Variants in ROMO1 observed in about 807,000 individuals in gnomAD.
The protein encoded by ROMO1 is PCM19.
A neutral mutation model predicts 7.4 loss-of-function variants in ROMO1; 8 were observed. The ratio of observed to expected loss-of-function variants is 1.08; its 90% confidence interval spans 0.63 to 1.95. The LOEUF is 1.95. ROMO1 is among the 30% of genes most tolerant of loss of function. The probability of loss-of-function intolerance (pLI) is 0.00; values close to 1 mark genes in which losing one functional copy is unlikely to be tolerated. For missense variants in ROMO1, 91 were observed against 115.9 expected, an observed-to-expected ratio of 0.79 and a Z score of 0.99; for synonymous variants, 43 against 41.4, an observed-to-expected ratio of 1.04 and a Z score of -0.15.
chr20:35,700,370 A>G (rs755262393), intron 2 of ROMO1, among the ~76,000 whole-genome samples: 11 of 152,296 alleles, frequency 7.2e-5, no homozygotes, highest in Non-Finnish European at 7.4e-5. Flanking sequence ...AAATCCTGTA[A>G]ATAATGTTGA....
chr20:35,699,516 C>A lies in ROMO1; in HGVS notation c.-1+60C>A, dbSNP rs971555487. 6.2e-6 allele frequency: 9 copies of A among 1,446,504 alleles called. No individual in the cohort carries two copies. Among genetic ancestry groups the A allele is most frequent in the Admixed American group, 3.7e-5 (2 of 53,776 alleles). 89.6% of individuals were successfully genotyped at this position (1,446,504 alleles called of 1,614,324 possible). A position where few individuals can be genotyped will look rare whatever the true frequency, so the allele number is the denominator to read the frequency against. On this transcript the variant is annotated intron_variant, in intron 1 of 2. Coordinates refer to ENST00000374077, the MANE Select transcript of ROMO1 (RefSeq NM_080748.3). The surrounding 1 kb of genome is among the most constrained non-coding windows in gnomAD (Gnocchi z 4.4). Reference sequence around the variant, plus strand: ...GAGGGTGGTGGAGTCGGGCTACCCACTGATTTTCCTTCCCTTACTTCCCCT... The same window carrying A: ...GAGGGTGGTGGAGTCGGGCTACCCAATGATTTTCCTTCCCTTACTTCCCCT...
chr20:35,700,036 A>G (rs1046985057), intron 2 of ROMO1, among the ~76,000 whole-genome samples: 3 of 152,236 alleles, frequency 2.0e-5, no homozygotes, highest in African/African-American at 4.8e-5. Flanking sequence ...CCTTAAGTGT[A>G]GAATGAAGAC....
At position 35,699,627 on chromosome 20, in the gene ROMO1, C is replaced by G. The variant is rs375680794; in HGVS notation, c.1-6C>G. The G allele has an allele frequency of 1.9e-6, 3 of 1,612,554 alleles. No individual in the cohort carries two copies. In the Admixed American group the frequency reaches 5.0e-5, roughly 27 times the overall value. The stretch of plus-strand genomic sequence containing the variant: ...GCCTGGGCCCACACTTTCCTATCCC[C>G]CGCAGATGCCGGTGGCCGTGGGTCC... On this transcript the variant is annotated splice_polypyrimidine_tract_variant and splice_region_variant and intron_variant, in intron 1 of 2. Coordinates refer to ENST00000374077, the MANE Select transcript of ROMO1 (RefSeq NM_080748.3). The surrounding 1 kb of genome is among the most constrained non-coding windows in gnomAD (Gnocchi z 4.4).
rs767322773 is a variant in ROMO1, at chr20:35,699,809, C to A, written c.131+46C>A. 6 of 1,566,024 alleles carry A rather than the reference C, an allele frequency of 3.8e-6. No homozygotes were observed. The Admixed American group carries it at 8.9e-5, about 23-fold the overall frequency. ...TCTCTGGGCAGGACAACCAGACCTTCCGGCCCTGCCCCATTCGGCCTGGAG... is the reference window on the plus strand; with the variant it reads ...TCTCTGGGCAGGACAACCAGACCTTACGGCCCTGCCCCATTCGGCCTGGAG... On this transcript the variant is annotated intron_variant, in intron 2 of 2. Transcript: ENST00000374077. This position sits in a 1 kb window ranked among gnomAD's most constrained non-coding sequence, Gnocchi z 4.4.
intron 2 of ROMO1, 122 bp from the exon 3 acceptor site, chr20:35,700,676 G>A (rs893598636): frequency 5.4e-6 from 4 of 738,766 alleles, no homozygotes; most frequent in Middle Eastern, 2.3e-4. Flanking sequence ...ATAATATCCA[G>A]TAAGTGGAAA....
intron 2 of ROMO1, among the ~76,000 whole-genome samples, chr20:35,700,539 T>C (rs563742142): frequency 1.4e-4 from 22 of 152,198 alleles, no homozygotes; most frequent in Non-Finnish European, 2.6e-4. Flanking sequence ...GGTTTCTCTA[T>C]GTATTTTACA....
At position 35,700,970 on chromosome 20, in the gene ROMO1, G is replaced by C. The variant is rs867835237; in HGVS notation, c.*64G>C. The C allele has an allele frequency of 2.6e-6, 3 of 1,152,886 alleles. No individual in the cohort carries two copies. Among genetic ancestry groups the C allele is most frequent in the Middle Eastern group, 4.0e-4 (2 of 4,942 alleles). The allele number at this position is 1,152,886 out of a possible 1,614,324, so 71.4% of individuals were successfully genotyped here. ...CCAGCCCATGTACTAATAAAAGAAA[G>C]TCTTTGAGTAGTCAGTGTCCCTCTC... On this transcript the variant is annotated 3_prime_UTR_variant, in exon 3 of 3. Coordinates refer to ENST00000374077, the MANE Select transcript of ROMO1 (RefSeq NM_080748.3).
chr20:35,699,469 C>G lies in ROMO1; in HGVS notation c.-1+13C>G. 8.2e-7 allele frequency: 1 copy of G among 1,213,016 alleles called. No homozygotes were observed. The highest frequency in any genetic ancestry group is 1.1e-6 in the Non-Finnish European group (1 of 880,074). The allele number at this position is 1,213,016 out of a possible 1,614,324, so 75.1% of individuals were successfully genotyped here. A position where few individuals can be genotyped will look rare whatever the true frequency, so the allele number is the denominator to read the frequency against. ...CGAGCGAGGTGAGGTAGGCGCCGGG[C>G]GACGCGGGGCCGGAACGCGAAGAGG... On this transcript the variant is annotated intron_variant, in intron 1 of 2. Coordinates refer to ENST00000374077, the MANE Select transcript of ROMO1 (RefSeq NM_080748.3). The surrounding 1 kb of genome is among the most constrained non-coding windows in gnomAD (Gnocchi z 4.4).
Position 35,699,693 on chromosome 20 carries a change from A to G in ROMO1, c.61A>G (p.Met21Val). ...SQPSCFDRVK[M>V]GFVMGCAVGM... ...GCCAAGCTGCTTCGACCGTGTCAAAATGGGCTTCGTGATGGGTTGCGCCGT... is the reference window on the plus strand; with the variant it reads ...GCCAAGCTGCTTCGACCGTGTCAAAGTGGGCTTCGTGATGGGTTGCGCCGT... The change falls in exon 2 of 3, where the codon ATG (methionine) becomes GTG (valine). Residue 21 changes from methionine to valine, a missense_variant. Physicochemically the swap from Met to Val is conservative, Grantham distance 21 (BLOSUM62 1). Transcript: ENST00000374077. This position sits in a 1 kb window ranked among gnomAD's most constrained non-coding sequence, Gnocchi z 4.4. 1 of 1,613,720 alleles carries G rather than the reference A, an allele frequency of 6.2e-7. No individual in the cohort carries two copies. The highest frequency in any genetic ancestry group is 2.2e-5 in the East Asian group (1 of 44,860).
chr20:35,699,636 C>T lies in ROMO1; in HGVS notation c.4C>T (p.Pro2Ser). The T allele has an allele frequency of 6.2e-7, 1 of 1,613,014 alleles. No individual in the cohort carries two copies. The change falls in exon 2 of 3, where the codon CCG becomes TCG. Residue 2 changes from proline to serine, a missense_variant. Pro to Ser is a moderately conservative substitution (Grantham distance 74). Coordinates refer to ENST00000374077, the MANE Select transcript of ROMO1 (RefSeq NM_080748.3). This position sits in a 1 kb window ranked among gnomAD's most constrained non-coding sequence, Gnocchi z 4.4. M[P>S]VAVGPYGQSQ... ...CACACTTTCCTATCCCCCGCAGATG[C>T]CGGTGGCCGTGGGTCCCTACGGACA... is the stretch of plus-strand genomic sequence containing the variant.
Position 35,700,803 on chromosome 20 carries a change from G to T in ROMO1, c.137G>T (p.Gly46Val), listed in dbSNP as rs1178809744. 6.2e-7 allele frequency: 1 copy of T among 1,613,954 alleles called. No homozygotes were observed. The highest frequency in any genetic ancestry group is 8.5e-7 in the Non-Finnish European group (1 of 1,179,940). ...LFGTFSCLRI[G>V]MRGRELMGGI... ...CATCTTGGTTTCCTCCTCAGGATCGGAATGCGGGGTCGAGAGCTGATGGGC... is the reference window on the plus strand; with the variant it reads ...CATCTTGGTTTCCTCCTCAGGATCGTAATGCGGGGTCGAGAGCTGATGGGC... Residue 46 changes from glycine to valine, a missense_variant, in exon 3 of 3, where the codon GGA (glycine) becomes GTA (valine). Transcript: ENST00000374077.
rs891925054 is a variant in ROMO1 at position 35,699,433 on chromosome 20, G to C, written c.-24G>C. ...TTCCGTGAGAGACGTAGAGCTGAGC[G>C]ACCCAGCCCGCGAGCGAGGTGAGGT... is the stretch of plus-strand genomic sequence containing the variant. On this transcript the variant is annotated 5_prime_UTR_variant, in exon 1 of 3. Coordinates refer to ENST00000374077, the MANE Select transcript of ROMO1 (RefSeq NM_080748.3). This position sits in a 1 kb window ranked among gnomAD's most constrained non-coding sequence, Gnocchi z 4.4. 1.4e-5 allele frequency: 16 copies of C among 1,175,554 alleles called. No individual in the cohort carries two copies. In the African/African-American group the frequency reaches 2.4e-4, roughly 17 times the overall value. 72.8% of individuals were successfully genotyped at this position (1,175,554 alleles called of 1,614,324 possible). A position where few individuals can be genotyped will look rare whatever the true frequency, so the allele number is the denominator to read the frequency against.
chr20:35,699,821 C>T lies in ROMO1; in HGVS notation c.131+58C>T, dbSNP rs2035221314. ...ACAACCAGACCTTCCGGCCCTGCCC[C>T]ATTCGGCCTGGAGCCTGAACACAGC... On this transcript the variant is annotated intron_variant, in intron 2 of 2. Coordinates refer to ENST00000374077, the MANE Select transcript of ROMO1 (RefSeq NM_080748.3). The surrounding 1 kb of genome is among the most constrained non-coding windows in gnomAD (Gnocchi z 4.4). The T allele has an allele frequency of 1.2e-5, 19 of 1,555,870 alleles. No homozygotes were observed. The highest frequency in any genetic ancestry group is 1.4e-5 in the Non-Finnish European group (16 of 1,154,440).
chr20:35,699,849 C>T lies in ROMO1; in HGVS notation c.131+86C>T. The T allele has an allele frequency of 1.3e-6, 2 of 1,483,458 alleles. No individual in the cohort carries two copies. The highest frequency in any genetic ancestry group is 1.3e-5 in the South Asian group (1 of 76,712). 91.9% of individuals were successfully genotyped at this position (1,483,458 alleles called of 1,614,324 possible). A position where few individuals can be genotyped will look rare whatever the true frequency, so the allele number is the denominator to read the frequency against. On this transcript the variant is annotated intron_variant, in intron 2 of 2. Transcript: ENST00000374077. This position sits in a 1 kb window ranked among gnomAD's most constrained non-coding sequence, Gnocchi z 4.4. Reference sequence around the variant, plus strand: ...TCGGCCTGGAGCCTGAACACAGCCTCCTTCTTTCGACTTCCCTCTCTGTCC... The same window carrying T: ...TCGGCCTGGAGCCTGAACACAGCCTTCTTCTTTCGACTTCCCTCTCTGTCC...
At position 35,699,481 on chromosome 20, in the gene ROMO1, G is replaced by A. The variant is rs1447382702; in HGVS notation, c.-1+25G>A. 2 of 1,258,252 alleles carry A rather than the reference G, an allele frequency of 1.6e-6. No individual in the cohort carries two copies. Among genetic ancestry groups the A allele is most frequent in the Non-Finnish European group, 2.2e-6 (2 of 913,976 alleles). The allele number at this position is 1,258,252 out of a possible 1,614,324, so 77.9% of individuals were successfully genotyped here. On this transcript the variant is annotated intron_variant, in intron 1 of 2. Coordinates refer to ENST00000374077, the MANE Select transcript of ROMO1 (RefSeq NM_080748.3). This position sits in a 1 kb window ranked among gnomAD's most constrained non-coding sequence, Gnocchi z 4.4. ...GGTAGGCGCCGGGCGACGCGGGGCC[G>A]GAACGCGAAGAGGGTGGTGGAGTCG...
chr20:35,699,835 C>G lies in ROMO1; in HGVS notation c.131+72C>G. The G allele has an allele frequency of 6.6e-7, 1 of 1,515,192 alleles. No individual in the cohort carries two copies. Among genetic ancestry groups the G allele is most frequent in the Non-Finnish European group, 8.8e-7 (1 of 1,132,072 alleles). 93.9% of individuals were successfully genotyped at this position (1,515,192 alleles called of 1,614,324 possible). ...CGGCCCTGCCCCATTCGGCCTGGAG[C>G]CTGAACACAGCCTCCTTCTTTCGAC... On this transcript the variant is annotated intron_variant, in intron 2 of 2. Coordinates refer to ENST00000374077, the MANE Select transcript of ROMO1 (RefSeq NM_080748.3). The surrounding 1 kb of genome is among the most constrained non-coding windows in gnomAD (Gnocchi z 4.4).
intron 2 of ROMO1, 81 bp from the exon 3 acceptor site, chr20:35,700,717 A>T: frequency 8.6e-7 from 1 of 1,156,862 alleles, no homozygotes; most frequent in Non-Finnish European, 1.3e-6. Flanking sequence ...GACTAGTGTT[A>T]GCAAAAAATT....
intron 2 of ROMO1, 85 bp from the exon 3 acceptor site, chr20:35,700,713 T>C: frequency 9.3e-7 from 1 of 1,071,572 alleles, no homozygotes; most frequent in Non-Finnish European, 1.4e-6. Flanking sequence ...GCTAGACTAG[T>C]GTTAGCAAAA....
intron 2 of ROMO1, 108 bp from the exon 3 acceptor site, chr20:35,700,690 A>G (rs2035248079): frequency 8.7e-6 from 7 of 800,800 alleles, no homozygotes; most frequent in Non-Finnish European, 2.2e-6. Context: ...GTGGAAAATC[A>G]GATGTAGGGG....
Sources: gnomAD v4.1 joint callset for allele counts (sites outside exome capture counted in the v4.1 genomes callset) on GRCh38, gnomAD v4.1.1 for gene constraint, Gnocchi (gnomAD v3.1) non-coding constraint, MANE v1.5 for transcripts, NCBI Gene and HGNC (gene_info 2026-07-23, HGNC 2026-07-21) for gene names.